Variants in FRMD4A observed in about 807,000 individuals in gnomAD.
The protein encoded by FRMD4A is FERM domain-containing protein 4A.
A neutral mutation model predicts 129.1 loss-of-function variants in FRMD4A; 29 were observed. The ratio of observed to expected loss-of-function variants is 0.22; its 90% CI spans 0.17 to 0.31. The LOEUF (loss-of-function observed/expected upper bound fraction) is 0.31, where lower values mean the gene tolerates loss of function less well. Ranked by LOEUF, FRMD4A falls within the 10% of genes least tolerant of loss-of-function variation. FRMD4A has a pLI of 1.00. For synonymous variants in FRMD4A, 634 were observed against 571.6 expected (o/e 1.11, Z -1.56); for missense variants, 1,272 against 1,375.8 (o/e 0.92, Z 1.19).
intron 12 of FRMD4A, among the ~76,000 whole-genome samples, chr10:13,724,768 C>T (rs1440958132): frequency 2.0e-5 from 3 of 152,154 alleles, no homozygotes; most frequent in African/African-American, 7.2e-5. Context: ...ACACAATCAA[C>T]GTGGCTATTT....
intron 12 of FRMD4A, among the ~76,000 whole-genome samples, chr10:13,730,859 C>CAAAAAAAAAAAAAAAAAA (rs10639026): frequency 3.3e-5 from 3 of 90,854 alleles, no homozygotes; most frequent in Non-Finnish European, 4.3e-5. Flanking sequence ...ACTAAAAATA[C>CAAAAAAAAAAAAAAAAAA]AAAAAAAAAA....
chr10:14,156,706 A>G (rs1290775299), intron 2 of FRMD4A, among the ~76,000 whole-genome samples: 2 of 152,252 alleles, frequency 1.3e-5, no homozygotes, highest in Non-Finnish European at 2.9e-5. Flanking sequence ...CAAATCAGCC[A>G]TTTTGCATAA....
At chr10:14,261,623 T>C (rs1266512847) in intron 2 of FRMD4A, among the ~76,000 whole-genome samples, 1 of 152,154 alleles carries the variant, frequency 6.6e-6, no homozygotes, top group Non-Finnish European at 1.5e-5. Context: ...CAACCTGGTC[T>C]CTACAACCCT....
At chr10:13,854,955 G>GT (rs2131024717) in intron 3 of FRMD4A, among the ~76,000 whole-genome samples, 1 of 152,296 alleles carries the variant, frequency 6.6e-6, no homozygotes, top group Non-Finnish European at 1.5e-5. Flanking sequence ...TGGTAAAGAC[G>GT]TGGGTGTCAG....
intron 9 of FRMD4A, chr10:13,744,564 C>T (rs941890667): frequency 1.3e-5 from 2 of 152,186 alleles, no homozygotes; most frequent in South Asian, 4.1e-4. Flanking sequence ...ATGAAAGCTA[C>T]CTGGCTAGTC....
chr10:13,756,250 G>A (rs373798474), intron 8 of FRMD4A: 12 of 152,200 alleles, frequency 7.9e-5, no homozygotes, highest in African/African-American at 2.2e-4. Context: ...TTAATGTATG[G>A]ACGATTCTTT....
rs538957123 is a variant in FRMD4A at position 14,164,354 on chromosome 10, G to A, written c.45+165704C>T. On this transcript the variant is annotated intron_variant, in intron 2 of 24. Coordinates refer to ENST00000357447, the MANE Select transcript of FRMD4A (RefSeq NM_018027.5). ...TGCCTATGCCTGAGCCCTGTGCCGGGTCCCTGTGCTCTCCTCTCATGTAGC... is the reference window on the plus strand; with the variant it reads ...TGCCTATGCCTGAGCCCTGTGCCGGATCCCTGTGCTCTCCTCTCATGTAGC... 2.6e-5 allele frequency among the ~76,000 whole-genome samples: 4 copies of A among 152,316 alleles called. No individual in the cohort carries two copies. The South Asian group carries it at 8.3e-4, about 32-fold the overall frequency.
At chr10:13,766,649 T>A (rs1207670708) in intron 6 of FRMD4A, among the ~76,000 whole-genome samples, 2 of 152,164 alleles carry the variant, frequency 1.3e-5, no homozygotes, top group African/African-American at 4.8e-5. Flanking sequence ...TTCCCCAATG[T>A]CACTTGTTCA....
At chr10:14,127,928 TTC>T (rs1491258291) in intron 2 of FRMD4A, among the ~76,000 whole-genome samples, 1 of 5,622 alleles carries the variant, frequency 1.8e-4, no homozygotes, top group Non-Finnish European at 3.2e-4. Flanking sequence ...CTTTCTTTCT[TTC>T]TTTCTTTCTT....
At chr10:13,929,109 G>GCCAAACATC (rs2095166685) in intron 2 of FRMD4A, among the ~76,000 whole-genome samples, 1 of 152,216 alleles carries the variant, frequency 6.6e-6, no homozygotes, top group Non-Finnish European at 1.5e-5. Flanking sequence ...TGCACAGCAA[G>GCCAAACATC]CCACACATTA....
At chr10:13,841,652 G>C (rs1445983079) in intron 3 of FRMD4A, among the ~76,000 whole-genome samples, 2 of 152,228 alleles carry the variant, frequency 1.3e-5, no homozygotes, top group Non-Finnish European at 2.9e-5. Flanking sequence ...ACTCCAGGAG[G>C]AGACAGCACA....
intron 2 of FRMD4A, among the ~76,000 whole-genome samples, chr10:14,136,751 T>A (rs1174231896): frequency 6.6e-6 from 1 of 151,772 alleles, no homozygotes; most frequent in African/African-American, 2.4e-5. Context: ...TATTGATTAA[T>A]GTCTCTTGTC....
At chr10:14,184,137 T>C (rs1368261979) in intron 2 of FRMD4A, among the ~76,000 whole-genome samples, 2 of 137,718 alleles carry the variant, frequency 1.5e-5, no homozygotes, top group African/African-American at 2.7e-5. Flanking sequence ...TTTTTTTTTT[T>C]TTTTTTTTTT....
chr10:13,841,118 G>A (rs916606599), intron 3 of FRMD4A, among the ~76,000 whole-genome samples: 1 of 152,110 alleles, frequency 6.6e-6, no homozygotes, highest in African/African-American at 2.4e-5. Context: ...AAATAAGTAA[G>A]TAGATGAAAT....
At chr10:14,189,778 C>G (rs1383723483) in intron 2 of FRMD4A, among the ~76,000 whole-genome samples, 1 of 152,190 alleles carries the variant, frequency 6.6e-6, no homozygotes, top group African/African-American at 2.4e-5. Flanking sequence ...CACTGAAAAA[C>G]AGCCAATGTC....
At chr10:14,153,446 A>G (rs968280881) in intron 2 of FRMD4A, among the ~76,000 whole-genome samples, 3 of 152,162 alleles carry the variant, frequency 2.0e-5, no homozygotes, top group Non-Finnish European at 2.9e-5. Context: ...CTGACTACAC[A>G]TGCACAGATG....
Position 13,930,894 on chromosome 10 carries a change from G to A in FRMD4A, c.46-71982C>T, listed in dbSNP as rs745655628. 7.2e-5 allele frequency among the ~76,000 whole-genome samples: 11 copies of A among 152,102 alleles called. No individual in the cohort carries two copies. In the South Asian group the frequency reaches 8.3e-4, roughly 11 times the overall value. ...GTTGCCCAGTTTGGAGTGCAGTGGT[G>A]CCATCACAGCTTACTGCAGCCCCAA... is the stretch of plus-strand genomic sequence containing the variant. On this transcript the variant is annotated intron_variant, in intron 2 of 24. Coordinates refer to ENST00000357447, the MANE Select transcript of FRMD4A (RefSeq NM_018027.5).
intron 2 of FRMD4A, among the ~76,000 whole-genome samples, chr10:14,049,071 A>T (rs1834134769): frequency 6.6e-6 from 1 of 152,180 alleles, no homozygotes; most frequent in Non-Finnish European, 1.5e-5. Context: ...ATCATGTAAT[A>T]AGAAGTTGAG....
intron 5 of FRMD4A, among the ~76,000 whole-genome samples, chr10:13,794,847 A>G (rs1336178720): frequency 6.6e-6 from 1 of 152,092 alleles, no homozygotes; most frequent in Non-Finnish European, 1.5e-5. Context: ...CCATTCCCCA[A>G]TTCTCTCTAT....
Sources: gnomAD v4.1 joint callset for allele counts (sites outside exome capture counted in the v4.1 genomes callset) on GRCh38, gnomAD v4.1.1 for gene constraint, MANE v1.5 for transcripts, NCBI Gene and HGNC (gene_info 2026-07-23, HGNC 2026-07-21) for gene names.